The following ABCA13 variants were observed in gnomAD, a reference collection of about 807,000 sequenced individuals.
The protein encoded by ABCA13 is ATP-binding cassette sub-family A member 13.
In ABCA13, 476 loss-of-function variants were observed where a neutral mutation model predicts 478.7. That is an observed-to-expected ratio of 0.99 (90% CI 0.92 to 1.07). The LOEUF is 1.07. Ranked by LOEUF, ABCA13 falls within the 50% of genes least tolerant of loss-of-function variation. The probability of loss-of-function intolerance (pLI) is 0.00; values close to 1 mark genes in which losing one functional copy is unlikely to be tolerated. For synonymous variants in ABCA13, 2,252 were observed against 2,158.9 expected (o/e 1.04, Z -1.20); for missense variants, 6,060 against 5,910.6 (o/e 1.03, Z -0.83).
chr7:48,645,283 G>A, intron 61 of ABCA13, 134 bp from the exon 62 acceptor site: 1 of 618,746 alleles, frequency 1.6e-6, no homozygotes, highest in Non-Finnish European at 2.8e-6. Context: ...ATTTGGGAGG[G>A]AATGGTATGA....
rs747919539 is a variant in ABCA13, at chr7:48,246,009, A to G, written c.1638A>G (p.Leu546=). 1.3e-5 allele frequency: 21 copies of G among 1,613,672 alleles called. No individual in the cohort carries two copies. In the Admixed American group the frequency reaches 1.3e-4, roughly 10 times the overall value. Reference sequence around the variant, plus strand: ...CTGAGACGAGTGTTTTAAACAAGCTACTTGGTTCAGTAGAGGATGCTGTAA... The same window carrying G: ...CTGAGACGAGTGTTTTAAACAAGCTGCTTGGTTCAGTAGAGGATGCTGTAA... ...NSSETSVLNK[L]LGSVEDADRI... The change falls in exon 13 of 62, where the codon CTA becomes CTG. Residue 546 remains leucine, a synonymous_variant. Coordinates refer to ENST00000435803, the MANE Select transcript of ABCA13 (RefSeq NM_152701.5).
chr7:48,565,979 C>CT (rs1471771743), intron 55 of ABCA13, among the ~76,000 whole-genome samples: 1 of 152,084 alleles, frequency 6.6e-6, no homozygotes, highest in Non-Finnish European at 1.5e-5. Context: ...GTTAACCTTC[C>CT]TATAAAGTAT....
intron 55 of ABCA13, among the ~76,000 whole-genome samples, chr7:48,540,310 C>T (rs958921408): frequency 3.3e-5 from 5 of 152,094 alleles, no homozygotes; most frequent in South Asian, 2.1e-4. Flanking sequence ...AATTCTATTT[C>T]ATCATTTGTA....
intron 15 of ABCA13, among the ~76,000 whole-genome samples, chr7:48,256,144 G>T (rs1298929909): frequency 6.6e-6 from 1 of 151,918 alleles, no homozygotes; most frequent in South Asian, 2.1e-4. Flanking sequence ...TTTTTAATGG[G>T]GTTGTTTTTT....
intron 27 of ABCA13, among the ~76,000 whole-genome samples, chr7:48,323,959 C>T (rs1326251536): frequency 6.6e-6 from 1 of 152,182 alleles, no homozygotes; most frequent in Non-Finnish European, 1.5e-5. Context: ...GACTTTGATC[C>T]TCATTTATCT....
At chr7:48,556,747 A>AT (rs1047014605) in intron 55 of ABCA13, among the ~76,000 whole-genome samples, 24 of 150,920 alleles carry the variant, frequency 1.6e-4, no homozygotes, top group South Asian at 1.3e-3. Flanking sequence ...AGTCTTGTAC[A>AT]TTTTTTTTCA....
intron 58 of ABCA13, among the ~76,000 whole-genome samples, chr7:48,597,276 A>G (rs1447612206): frequency 1.3e-5 from 2 of 152,168 alleles, no homozygotes; most frequent in Admixed American, 1.3e-4. Flanking sequence ...AAGGCTATCC[A>G]TTGCGTTTTA....
chr7:48,346,902 T>C (rs895935705), intron 29 of ABCA13, among the ~76,000 whole-genome samples: 13 of 152,218 alleles, frequency 8.5e-5, no homozygotes, highest in African/African-American at 3.1e-4. Context: ...CAGGGGTCAA[T>C]GCCACTTCTA....
At chr7:48,427,630 G>T in intron 41 of ABCA13, 136 bp from the exon 42 acceptor site, 1 of 616,334 alleles carries the variant, frequency 1.6e-6, no homozygotes, top group Non-Finnish European at 2.9e-6. Context: ...CCAATTAAAT[G>T]GATGGCTAAA....
In ABCA13 at chr7:48,278,206, C is replaced by A. The variant is rs746532329; in HGVS notation, c.7012C>A (p.His2338Asn). The change falls in exon 18 of 62, where the codon CAC becomes AAC. Residue 2338 changes from histidine (H) to asparagine (N), a missense_variant. Physicochemically the swap from His to Asn is moderately conservative, Grantham distance 68. This residue lies in a region of ABCA13 where 4,423 missense variants were observed against 4,309.1 expected (regional missense o/e 1.03). Coordinates refer to ENST00000435803, the MANE Select transcript of ABCA13 (RefSeq NM_152701.5). ...IFSSLKETIY[H>N]LMKSSFILDN... ...TTCAAGTTTAAAGGAGACTATATAT[C>A]ACCTAATGAAAAGTTCATTTATATT... 2.3e-5 allele frequency: 37 copies of A among 1,600,278 alleles called. No homozygotes were observed. Among genetic ancestry groups the A allele is most frequent in the Non-Finnish European group, 2.9e-5 (34 of 1,171,348 alleles).
intron 59 of ABCA13, among the ~76,000 whole-genome samples, chr7:48,624,554 C>CT (rs1376316801): frequency 9.5e-4 from 90 of 94,784 alleles, no homozygotes; most frequent in East Asian, 1.5e-3. Flanking sequence ...TTTCTTTTTT[C>CT]TTTTTTTTTT....
At chr7:48,427,957 A>G (rs533740937) in intron 42 of ABCA13, 86 bp downstream of exon 42, 1 of 950,118 alleles carries the variant, frequency 1.1e-6, no homozygotes, top group East Asian at 2.6e-5. Flanking sequence ...AAAGTTGTAT[A>G]GCAAGGTTCT....
chr7:48,618,928 T>A (rs1792866002), intron 59 of ABCA13, among the ~76,000 whole-genome samples: 1 of 152,194 alleles, frequency 6.6e-6, no homozygotes, highest in East Asian at 1.9e-4. Flanking sequence ...AGTCAGCAAG[T>A]CCCCACTTTT....
rs1243034841 is a variant in ABCA13 at position 48,580,362 on chromosome 7, G to A, written c.14493G>A (p.Gln4831=). 6.2e-7 allele frequency: 1 copy of A among 1,612,098 alleles called. No individual in the cohort carries two copies. Among genetic ancestry groups the A allele is most frequent in the South Asian group, 1.1e-5 (1 of 90,632 alleles). The change falls in exon 56 of 62, where the codon CAG becomes CAA. Residue 4831 remains glutamine (Q), a synonymous_variant. Coordinates refer to ENST00000435803, the MANE Select transcript of ABCA13 (RefSeq NM_152701.5). ...YYCSLRGIPR[Q]CIPEVAGDLI... ...GTAGCTTACGCGGGATTCCAAGGCA[G>A]TGCATCCCTGAGGTAAATCTCCCTG...
chr7:48,442,102 T>C (rs1264627233), intron 42 of ABCA13, among the ~76,000 whole-genome samples: 9 of 152,150 alleles, frequency 5.9e-5, no homozygotes, highest in Admixed American at 3.3e-4. Context: ...CTAGATCAAG[T>C]CAAGTGGCAT....
chr7:48,270,900 AT>A (rs1795507091), intron 16 of ABCA13, among the ~76,000 whole-genome samples: 2 of 152,180 alleles, frequency 1.3e-5, no homozygotes, highest in African/African-American at 4.8e-5. Flanking sequence ...GGCTTTTCTT[AT>A]GGTTGACATC....
At chr7:48,325,049 A>G (rs1206756680) in intron 27 of ABCA13, among the ~76,000 whole-genome samples, 1 of 152,196 alleles carries the variant, frequency 6.6e-6, no homozygotes, top group African/African-American at 2.4e-5. Flanking sequence ...TCAGAGAACC[A>G]ACAATGTCTT....
At chr7:48,440,486 C>T (rs12667933) in intron 42 of ABCA13, among the ~76,000 whole-genome samples, 45,313 of 151,932 alleles carry the variant, frequency 0.3, 6,849 homozygotes, top group East Asian at 0.38. Flanking sequence ...TACATTCTAC[C>T]GTTTATGTCA....
At chr7:48,451,306 A>AT (rs1294230441) in intron 42 of ABCA13, among the ~76,000 whole-genome samples, 4 of 152,140 alleles carry the variant, frequency 2.6e-5, no homozygotes, top group Admixed American at 2.6e-4. Context: ...GCAAGATGTT[A>AT]TAAATCACCT....
Sources: allele counts gnomAD v4.1 joint callset (sites outside exome capture counted in the v4.1 genomes callset), GRCh38; gene constraint gnomAD v4.1.1; regional missense constraint gnomAD v4.1.1; transcripts MANE v1.5; gene names NCBI Gene and HGNC (gene_info 2026-07-23, HGNC 2026-07-21).